The following PALLD variants were observed in gnomAD, a reference collection of about 807,000 sequenced individuals.
PALLD encodes the protein palladin.
Under a neutral mutation model 123.5 loss-of-function variants are expected in PALLD, and 61 were observed. That is an observed-to-expected ratio of 0.49 (90% CI 0.40 to 0.61). PALLD has a LOEUF of 0.61. Ranked by LOEUF, PALLD falls within the 20% of genes least tolerant of loss-of-function variation. The pLI, the probability that PALLD is intolerant of heterozygous loss-of-function variation, is 0.00. For synonymous variants in PALLD, 465 were observed against 496.4 expected, an observed-to-expected ratio of 0.94 and a Z score of 0.84; for missense variants, 1,273 against 1,377.0, an observed-to-expected ratio of 0.92 and a Z score of 1.20.
intron 8 of PALLD, among the ~76,000 whole-genome samples, chr4:168,699,285 G>T (rs184122991): frequency 7.2e-5 from 11 of 152,172 alleles, no homozygotes; most frequent in Non-Finnish European, 1.3e-4. Context: ...TGCCATGTTG[G>T]CCAGGCTGGT....
rs145154190 is a variant in PALLD, at chr4:168,568,000, A to G, written c.908+55588A>G. Among the ~76,000 whole-genome samples the G allele has an allele frequency of 2.8e-3, 424 of 152,244 alleles. 3 individuals are homozygous for G. The highest frequency in any genetic ancestry group is 9.9e-3 in the African/African-American group (411 of 41,574). On this transcript the variant is annotated intron_variant, in intron 2 of 21. Transcript: ENST00000505667. ...ATCAAACTTTTCCATTGGATTATCT[A>G]TTGAGATTCTTTTCAATTATCTACA...
chr4:168,811,768 T>TCACACACACACACA (rs1201722924), intron 10 of PALLD, among the ~76,000 whole-genome samples: 3 of 109,846 alleles, frequency 2.7e-5, no homozygotes, highest in African/African-American at 9.7e-5. Flanking sequence ...TCTCTCTCTC[T>TCACACACACACACA]CTCTCTCTCA....
chr4:168,513,130 G>A (rs569164353), intron 2 of PALLD, among the ~76,000 whole-genome samples: 10 of 152,012 alleles, frequency 6.6e-5, no homozygotes, highest in African/African-American at 2.4e-4. Context: ...CCCCCAAATG[G>A]ATAATCTAGT....
At position 168,628,305 on chromosome 4, in the gene PALLD, G is replaced by A. The variant is rs533764058; in HGVS notation, c.909-39885G>A. ...AGGCATGGTTACTCTGCACTGATAT[G>A]CATGTAAGTCTCATCGTGTCCGTCC... On this transcript the variant is annotated intron_variant, in intron 2 of 21. Coordinates refer to ENST00000505667, the MANE Select transcript of PALLD (RefSeq NM_001166108.2). Among the ~76,000 whole-genome samples, 6 of 152,306 alleles carry A rather than the reference G, an allele frequency of 3.9e-5. No individual in the cohort carries two copies. The South Asian group carries it at 1.2e-3, about 32-fold the overall frequency.
chr4:168,534,768 A>G (rs1434205060), intron 2 of PALLD, among the ~76,000 whole-genome samples: 1 of 152,186 alleles, frequency 6.6e-6, no homozygotes, highest in Non-Finnish European at 1.5e-5. Flanking sequence ...CAGGGGCACC[A>G]ATTCTGTCTT....
Position 168,765,115 on chromosome 4 carries a change from C to A in PALLD, c.1964+53192C>A, listed in dbSNP as rs114895405. On this transcript the variant is annotated intron_variant, in intron 10 of 21. Transcript: ENST00000505667. ...AGTTAGTCTGAATCTAATCTCTAGTCCTTAGCTTTAACCTGGGCAAGTTAT... is the reference window on the plus strand; with the variant it reads ...AGTTAGTCTGAATCTAATCTCTAGTACTTAGCTTTAACCTGGGCAAGTTAT... Among the ~76,000 whole-genome samples, 953 of 152,180 alleles carry A rather than the reference C, an allele frequency of 6.3e-3. 8 individuals are homozygous for A. Among genetic ancestry groups the A allele is most frequent in the African/African-American group, 0.022 (912 of 41,510 alleles).
chr4:168,761,281 G>T (rs1311711414), intron 10 of PALLD, among the ~76,000 whole-genome samples: 1 of 152,128 alleles, frequency 6.6e-6, no homozygotes, highest in Non-Finnish European at 1.5e-5. Flanking sequence ...TCTCCAACTG[G>T]AAGTTTCACC....
chr4:168,541,742 C>A (rs1230789957), intron 2 of PALLD, among the ~76,000 whole-genome samples: 2 of 152,274 alleles, frequency 1.3e-5, no homozygotes, highest in East Asian at 3.9e-4. Flanking sequence ...CATGAGTCAC[C>A]ATGCCCAGCC....
chr4:168,911,164 C>T lies in PALLD; in HGVS notation c.2623-2763C>T, dbSNP rs1758866843. 2.0e-5 allele frequency among the ~76,000 whole-genome samples: 3 copies of T among 152,086 alleles called. No homozygotes were observed. The South Asian group carries it at 6.2e-4, about 31-fold the overall frequency. On this transcript the variant is annotated intron_variant, in intron 15 of 21. Coordinates refer to ENST00000505667, the MANE Select transcript of PALLD (RefSeq NM_001166108.2). ...ATCCCTATTTGTACAGAAAAAGAAA[C>T]AAAGGCTTGAACAAATTCAGTGATT...
At position 168,520,347 on chromosome 4, in the gene PALLD, A is replaced by AAGAGAGAGAGCG. The variant is rs1561203495; in HGVS notation, c.908+7945_908+7946insCGAGAGAGAGAG. On this transcript the variant is annotated intron_variant, in intron 2 of 21. Transcript: ENST00000505667. ...GTCACCAAAAAAAAAAAAAAAAAAA[A>AAGAGAGAGAGCG]AGAGAGAGAGAGAATGGCACCTTTA... Among the ~76,000 whole-genome samples the AAGAGAGAGAGCG allele has an allele frequency of 2.7e-3, 225 of 84,014 alleles. 4 individuals carry two copies. The highest frequency in any genetic ancestry group is 8.0e-3 in the East Asian group (18 of 2,256). 55.1% of individuals were successfully genotyped at this position (84,014 alleles called of 152,430 possible).
chr4:168,612,616 G>T (rs190777999), intron 2 of PALLD, among the ~76,000 whole-genome samples: 170 of 151,762 alleles, frequency 1.1e-3, no homozygotes, highest in African/African-American at 3.9e-3. Context: ...CAAACGTAAG[G>T]TGAATTAAAC....
At chr4:168,661,686 C>T (rs1779150328) in intron 2 of PALLD, among the ~76,000 whole-genome samples, 1 of 152,132 alleles carries the variant, frequency 6.6e-6, no homozygotes, top group African/African-American at 2.4e-5. Flanking sequence ...AACAGCTGCA[C>T]TAGAAATTAA....
intron 2 of PALLD, among the ~76,000 whole-genome samples, chr4:168,629,959 T>C (rs1033669769): frequency 1.3e-5 from 2 of 152,238 alleles, no homozygotes; most frequent in African/African-American, 4.8e-5. Context: ...GTGTTTAGAC[T>C]AAATTTCAGA....
At chr4:168,815,838 C>T (rs12641770) in intron 10 of PALLD, among the ~76,000 whole-genome samples, 83,624 of 152,072 alleles carry the variant, frequency 0.55, 23,766 homozygotes, top group Non-Finnish European at 0.63. Context: ...AAACGAGCTC[C>T]AATTCTTTTT....
chr4:168,775,317 G>T (rs1735030877), intron 10 of PALLD, among the ~76,000 whole-genome samples: 1 of 152,048 alleles, frequency 6.6e-6, no homozygotes. Flanking sequence ...CTTTTCATGT[G>T]TTTATTTGCC....
At chr4:168,521,523 GTTAC>G (rs1239786609) in intron 2 of PALLD, among the ~76,000 whole-genome samples, 2 of 152,058 alleles carry the variant, frequency 1.3e-5, no homozygotes, top group African/African-American at 2.4e-5. Context: ...TATTTTAAAA[GTTAC>G]TTATTATTTT....
chr4:168,629,983 A>G (rs1223696423), intron 2 of PALLD, among the ~76,000 whole-genome samples: 3 of 152,228 alleles, frequency 2.0e-5, no homozygotes, highest in African/African-American at 7.2e-5. Context: ...CTAAACATTC[A>G]CAGGTTTAGC....
At chr4:168,875,762 C>T (rs1478308847) in intron 10 of PALLD, among the ~76,000 whole-genome samples, 6 of 152,158 alleles carry the variant, frequency 3.9e-5, no homozygotes, top group Admixed American at 2.6e-4. Flanking sequence ...TTTTAATGCC[C>T]GAATGAATAA....
chr4:168,639,184 C>T (rs1241022092), intron 2 of PALLD, among the ~76,000 whole-genome samples: 6 of 152,172 alleles, frequency 3.9e-5, no homozygotes, highest in African/African-American at 1.2e-4. Flanking sequence ...ATGAATATCA[C>T]AGAATGTGAA....
Sources: allele counts gnomAD v4.1 joint callset (sites outside exome capture counted in the v4.1 genomes callset), GRCh38; gene constraint gnomAD v4.1.1; transcripts MANE v1.5; gene names NCBI Gene and HGNC (gene_info 2026-07-23, HGNC 2026-07-21).